Variants in ADGRB3 observed in about 807,000 individuals in gnomAD.
ADGRB3 encodes the protein adhesion G protein-coupled receptor B3, also known as brain-specific angiogenesis inhibitor 3.
Under a neutral mutation model 193.4 loss-of-function variants are expected in ADGRB3, and 37 were observed. The ratio of observed to expected loss-of-function variants is 0.19; its 90% confidence interval spans 0.15 to 0.25. The LOEUF (loss-of-function observed/expected upper bound fraction) is 0.25. ADGRB3 is among the 10% of genes least tolerant of loss of function. ADGRB3 has a pLI of 1.00. For synonymous variants in ADGRB3, 690 were observed against 644.2 expected, an observed-to-expected ratio of 1.07 and a Z score of -1.08; for missense variants, 1,637 against 1,852.9, an observed-to-expected ratio of 0.88 and a Z score of 2.14.
chr6:69,031,523 T>TTC (rs1446444487), intron 13 of ADGRB3, among the ~76,000 whole-genome samples: 2 of 46,658 alleles, frequency 4.3e-5, no homozygotes, highest in East Asian at 5.4e-3. Flanking sequence ...AGTTGTCTCT[T>TTC]TCTTTCTTTC....
chr6:68,980,956 C>T (rs1768892668), intron 10 of ADGRB3, among the ~76,000 whole-genome samples: 1 of 151,416 alleles, frequency 6.6e-6, no homozygotes, highest in African/African-American at 2.4e-5. Flanking sequence ...GGATTGTTAC[C>T]AGACCGTAGT....
chr6:69,071,961 T>G (rs977079122), intron 16 of ADGRB3, among the ~76,000 whole-genome samples: 1 of 152,130 alleles, frequency 6.6e-6, no homozygotes, highest in African/African-American at 2.4e-5. Flanking sequence ...GAAAAGTAAC[T>G]GAAAATTATA....
chr6:69,371,952 A>G (rs1296002974), intron 29 of ADGRB3, among the ~76,000 whole-genome samples: 1 of 152,058 alleles, frequency 6.6e-6, no homozygotes, highest in Non-Finnish European at 1.5e-5. Context: ...GACTGGTTAG[A>G]ATTTGGTAGG....
chr6:69,160,970 T>C (rs1774969676), intron 17 of ADGRB3, among the ~76,000 whole-genome samples: 2 of 152,072 alleles, frequency 1.3e-5, no homozygotes, highest in Non-Finnish European at 2.9e-5. Flanking sequence ...AACTCAACAC[T>C]CAGACTCATG....
intron 3 of ADGRB3, among the ~76,000 whole-genome samples, chr6:68,770,297 G>T (rs1158183536): frequency 6.6e-6 from 1 of 152,100 alleles, no homozygotes; most frequent in Non-Finnish European, 1.5e-5. Flanking sequence ...TCTGTCTTGA[G>T]ATATAAGGTT....
chr6:69,163,132 C>A (rs942818903), intron 17 of ADGRB3, among the ~76,000 whole-genome samples: 8 of 152,044 alleles, frequency 5.3e-5, no homozygotes, highest in African/African-American at 1.2e-4. Context: ...GTTATAAATT[C>A]TCTTAATCAT....
intron 3 of ADGRB3, among the ~76,000 whole-genome samples, chr6:68,726,673 C>T (rs546670592): frequency 3.0e-4 from 45 of 151,650 alleles, no homozygotes; most frequent in Admixed American, 1.7e-3. Context: ...GATTAAGAGC[C>T]TAGAGCTATA....
intron 17 of ADGRB3, among the ~76,000 whole-genome samples, chr6:69,227,615 T>A (rs1766047044): frequency 6.6e-6 from 1 of 152,194 alleles, no homozygotes; most frequent in South Asian, 2.1e-4. Flanking sequence ...TATTAGATTG[T>A]GTATAGTCAT....
intron 3 of ADGRB3, among the ~76,000 whole-genome samples, chr6:68,815,603 T>TTGTGTGTGTGTG (rs5877170): frequency 1.5e-5 from 2 of 137,200 alleles, no homozygotes; most frequent in East Asian, 3.0e-4. Flanking sequence ...CCATCAAAAA[T>TTGTGTGTGTGTG]TGTGTGTGTG....
intron 17 of ADGRB3, among the ~76,000 whole-genome samples, chr6:69,123,483 A>C (rs1773774106): frequency 6.6e-6 from 1 of 152,198 alleles, no homozygotes; most frequent in Non-Finnish European, 1.5e-5. Flanking sequence ...TACAACAGTG[A>C]ACTAAACAAG....
At chr6:69,375,598 T>G (rs1057425112) in intron 30 of ADGRB3, among the ~76,000 whole-genome samples, 4 of 152,076 alleles carry the variant, frequency 2.6e-5, no homozygotes, top group African/African-American at 9.7e-5. Context: ...ATTCCTAATG[T>G]GATGTTAAAA....
At chr6:68,846,427 A>C (rs1392649659) in intron 3 of ADGRB3, among the ~76,000 whole-genome samples, 1 of 152,226 alleles carries the variant, frequency 6.6e-6, no homozygotes. Flanking sequence ...AGAGACCTTC[A>C]AGGCAGCCCT....
chr6:68,938,390 A>G (rs1767538733), intron 5 of ADGRB3, among the ~76,000 whole-genome samples: 1 of 151,118 alleles, frequency 6.6e-6, no homozygotes, highest in South Asian at 2.1e-4. Context: ...TATTTTTTAA[A>G]CTGGCAGGTA....
intron 3 of ADGRB3, among the ~76,000 whole-genome samples, chr6:68,737,549 A>G (rs1253260660): frequency 2.6e-5 from 4 of 152,102 alleles, no homozygotes; most frequent in African/African-American, 7.2e-5. Context: ...TCCCCCATAC[A>G]ATAAGAATAT....
intron 3 of ADGRB3, among the ~76,000 whole-genome samples, chr6:68,926,507 C>G (rs1250784904): frequency 6.6e-6 from 1 of 152,022 alleles, no homozygotes; most frequent in African/African-American, 2.4e-5. Flanking sequence ...CCCATAGCAA[C>G]AAGTAGTCCA....
At chr6:69,197,194 A>G (rs1765318908) in intron 17 of ADGRB3, among the ~76,000 whole-genome samples, 1 of 152,094 alleles carries the variant, frequency 6.6e-6, no homozygotes, top group South Asian at 2.1e-4. Flanking sequence ...TTTACTGGTC[A>G]ACTTACTAGT....
At chr6:69,372,298 A>G in intron 29 of ADGRB3, 108 bp from the exon 30 acceptor site, 1 of 571,112 alleles carries the variant, frequency 1.8e-6, no homozygotes, top group Middle Eastern at 5.2e-4. Flanking sequence ...AATATGTATA[A>G]AACAAGCAGG....
intron 17 of ADGRB3, among the ~76,000 whole-genome samples, chr6:69,185,861 A>G (rs1171716744): frequency 6.6e-6 from 1 of 152,140 alleles, no homozygotes; most frequent in Non-Finnish European, 1.5e-5. Context: ...TATCTAATTC[A>G]TTTTGAATTT....
intron 26 of ADGRB3, among the ~76,000 whole-genome samples, chr6:69,352,769 T>G (rs1398321717): frequency 6.6e-6 from 1 of 151,224 alleles, no homozygotes; most frequent in Admixed American, 6.6e-5. Flanking sequence ...ATAGGCTCAG[T>G]TTTGTTTTGT....
Sources: gnomAD v4.1 joint callset for allele counts (sites outside exome capture counted in the v4.1 genomes callset) on GRCh38, gnomAD v4.1.1 for gene constraint, MANE v1.5 for transcripts, NCBI Gene and HGNC (gene_info 2026-07-23, HGNC 2026-07-21) for gene names.